Variants in KIF2A observed in about 807,000 individuals in gnomAD.
The protein encoded by KIF2A is kinesin-like protein KIF2A.
In KIF2A, 22 loss-of-function variants were observed where a neutral mutation model predicts 100.2. That is an observed-to-expected ratio of 0.22 (90% CI 0.16 to 0.31). KIF2A has a LOEUF of 0.31. KIF2A is among the 10% of genes least tolerant of loss of function. The pLI is 1.00. For synonymous variants in KIF2A, 268 were observed against 285.9 expected (o/e 0.94, Z 0.63); for missense variants, 495 against 898.7 (o/e 0.55, Z 5.74).
intron 18 of KIF2A, among the ~76,000 whole-genome samples, chr5:62,376,976 C>G (rs1741578670): frequency 6.6e-6 from 1 of 152,144 alleles, no homozygotes; most frequent in Non-Finnish European, 1.5e-5. Context: ...ATGAAGGTTT[C>G]ACATCTCTCA....
At chr5:62,382,935 T>A (rs1741844748) in intron 20 of KIF2A, among the ~76,000 whole-genome samples, 1 of 150,912 alleles carries the variant, frequency 6.6e-6, no homozygotes, top group Admixed American at 6.6e-5. Flanking sequence ...CTTTGCTTTT[T>A]TTTTTTTTTT....
chr5:62,378,229 C>A (rs981209628), intron 19 of KIF2A, among the ~76,000 whole-genome samples: 7 of 152,162 alleles, frequency 4.6e-5, no homozygotes, highest in African/African-American at 1.7e-4. Flanking sequence ...GGTGTTATAT[C>A]ACCACCTGTA....
chr5:62,351,261 A>G (rs1320813216), intron 4 of KIF2A, among the ~76,000 whole-genome samples: 1 of 152,046 alleles, frequency 6.6e-6, no homozygotes, highest in Non-Finnish European at 1.5e-5. Flanking sequence ...ATATAATAAA[A>G]TAAAATGGAT....
intron 9 of KIF2A, among the ~76,000 whole-genome samples, chr5:62,359,100 G>C (rs1297099902): frequency 6.6e-6 from 1 of 152,118 alleles, no homozygotes; most frequent in Non-Finnish European, 1.5e-5. Flanking sequence ...GATAGTTTTA[G>C]TACATGAGAT....
chr5:62,364,172 G>A (rs1463342741), intron 14 of KIF2A, among the ~76,000 whole-genome samples: 1 of 148,680 alleles, frequency 6.7e-6, no homozygotes, highest in African/African-American at 2.5e-5. Context: ...TTTTGAGACT[G>A]TGTCTTGCTC....
chr5:62,315,966 A>G (rs7718252), intron 1 of KIF2A, among the ~76,000 whole-genome samples: 2,441 of 152,294 alleles, frequency 0.016, 64 homozygotes, highest in African/African-American at 0.056. Flanking sequence ...AGTTGAAAGG[A>G]AAGGACTTAA....
intron 19 of KIF2A, 53 bp from the exon 20 acceptor site, chr5:62,381,065 G>T: frequency 7.5e-7 from 1 of 1,332,892 alleles, no homozygotes; most frequent in Non-Finnish European, 1.1e-6. Context: ...ATTGTAATTT[G>T]GTTTCTGTTG....
chr5:62,324,037 A>T (rs1746238843), intron 1 of KIF2A, among the ~76,000 whole-genome samples: 1 of 150,578 alleles, frequency 6.6e-6, no homozygotes. Flanking sequence ...CTGTCTCAAA[A>T]AAAATAAAAT....
intron 1 of KIF2A, among the ~76,000 whole-genome samples, chr5:62,332,054 C>T (rs1193409633): frequency 6.6e-6 from 1 of 152,144 alleles, no homozygotes; most frequent in Non-Finnish European, 1.5e-5. Flanking sequence ...AAGGTTTATG[C>T]CAGCCTAATT....
intron 1 of KIF2A, among the ~76,000 whole-genome samples, chr5:62,326,516 T>C (rs1260943057): frequency 6.6e-6 from 1 of 152,152 alleles, no homozygotes; most frequent in Non-Finnish European, 1.5e-5. Context: ...CTTCCTTTGC[T>C]GTGGACACAT....
intron 1 of KIF2A, among the ~76,000 whole-genome samples, chr5:62,339,582 A>C (rs1334109442): frequency 7.5e-6 from 1 of 132,804 alleles, no homozygotes; most frequent in African/African-American, 2.8e-5. Context: ...GTACCAGTAC[A>C]CATATGTAAG....
chr5:62,382,557 ATTTCAGATTT>A (rs1741816456), intron 20 of KIF2A, among the ~76,000 whole-genome samples: 1 of 151,524 alleles, frequency 6.6e-6, no homozygotes, highest in Middle Eastern at 3.4e-3. Context: ...AGTGTTTTGG[ATTTCAGATTT>A]TTTCAGATTT....
intron 7 of KIF2A, among the ~76,000 whole-genome samples, chr5:62,356,692 T>C (rs555709987): frequency 6.6e-6 from 1 of 152,350 alleles, no homozygotes; most frequent in Admixed American, 6.5e-5. Context: ...TGCTAGCAAC[T>C]TTCCCTATGA....
In KIF2A at chr5:62,389,597, AT is replaced by A. The variant is rs1742205621; in HGVS notation, c.*4031del. On this transcript the variant is annotated 3_prime_UTR_variant, in exon 21 of 21. Coordinates refer to ENST00000407818, the MANE Select transcript of KIF2A (RefSeq NM_001098511.3). The stretch of plus-strand genomic sequence containing the variant: ...CATTAGAGCCTTTATGTCGTAATGA[AT>A]TTGACTAAAATTATCTTAGACTTTC... Among the ~76,000 whole-genome samples, 3 of 152,140 alleles carry A rather than the reference AT, an allele frequency of 2.0e-5. No homozygotes were observed. Among genetic ancestry groups the A allele is most frequent in the Admixed American group, 1.3e-4 (2 of 15,258 alleles).
In KIF2A at chr5:62,385,650, GTTTGGAATT is replaced by G. The variant is rs1420384574; in HGVS notation, c.*84_*92del. ...GTTCAGCTGTAAGGGCCATTTGAAA[GTTTGGAATT>G]TTAAGTGTCTGTGGAAAATGTTTTG... On this transcript the variant is annotated 3_prime_UTR_variant, in exon 21 of 21. Transcript: ENST00000407818. The G allele has an allele frequency of 1.0e-6, 1 of 972,432 alleles. No homozygotes were observed. The highest frequency in any genetic ancestry group is 1.6e-5 in the African/African-American group (1 of 60,740). The allele number at this position is 972,432 out of a possible 1,614,324, so 60.2% of individuals were successfully genotyped here.
rs763443006 is a variant in KIF2A at position 62,390,974 on chromosome 5, T to C, written c.*5405T>C. 6.2e-6 allele frequency: 10 copies of C among 1,612,646 alleles called. No homozygotes were observed. The East Asian group carries it at 2.0e-4, about 32-fold the overall frequency. ...TTTTATCTGCTATGCTGAAATCTTC[T>C]GGTATTATCTATCAATATAAGATTC... On this transcript the variant is annotated 3_prime_UTR_variant, in exon 21 of 21. Coordinates refer to ENST00000407818, the MANE Select transcript of KIF2A (RefSeq NM_001098511.3).
At position 62,366,090 on chromosome 5, in the gene KIF2A, G is replaced by A. The variant is rs185579968; in HGVS notation, c.1579-324G>A. 1.5e-3 allele frequency among the ~76,000 whole-genome samples: 223 copies of A among 152,016 alleles called. 2 individuals are homozygous for A. The highest frequency in any genetic ancestry group is 5.3e-3 in the African/African-American group (219 of 41,486). ...AGTTGCCCTGTGTGACAGCAGCAAA[G>A]CTTGCCCTCTGTCAAAAAGCTGTTT... On this transcript the variant is annotated intron_variant, in intron 15 of 20. Transcript: ENST00000407818.
At chr5:62,306,600 C>G in intron 1 of KIF2A, 64 bp downstream of exon 1, 1 of 1,348,546 alleles carries the variant, frequency 7.4e-7, no homozygotes, top group Admixed American at 2.1e-5. Context: ...ACGGAGGGGA[C>G]GCGGGCGCCG....
At position 62,365,232 on chromosome 5, in the gene KIF2A, T is replaced by C. The variant is rs1465014049; in HGVS notation, c.1468-11T>C. ...AGACTAATCTGTGAGACTTGTTTTC[T>C]TAATTTTCAGGAGTGCATCAGAGCC... On this transcript the variant is annotated splice_polypyrimidine_tract_variant and intron_variant, in intron 14 of 20. Transcript: ENST00000407818. 7.0e-7 allele frequency: 1 copy of C among 1,430,084 alleles called. No homozygotes were observed. Among genetic ancestry groups the C allele is most frequent in the Non-Finnish European group, 9.7e-7 (1 of 1,035,056 alleles). The allele number at this position is 1,430,084 out of a possible 1,614,324, so 88.6% of individuals were successfully genotyped here. A position where few individuals can be genotyped will look rare whatever the true frequency, so the allele number is the denominator to read the frequency against.
Sources: allele counts gnomAD v4.1 joint callset (sites outside exome capture counted in the v4.1 genomes callset), GRCh38; gene constraint gnomAD v4.1.1; transcripts MANE v1.5; gene names NCBI Gene and HGNC (gene_info 2026-07-23, HGNC 2026-07-21).